Variants in BCKDHB observed in about 807,000 individuals in gnomAD.
BCKDHB encodes the protein branched chain keto acid dehydrogenase E1 subunit beta.
BCKDHB carries 41 observed loss-of-function variants against 48.5 expected under a neutral mutation model. The observed-to-expected ratio is 0.85, with a 90% CI of 0.66 to 1.10. The LOEUF (loss-of-function observed/expected upper bound fraction) is 1.10. Ranked by LOEUF, BCKDHB falls within the 50% of genes least tolerant of loss-of-function variation. The pLI is 0.00. For missense variants in BCKDHB, 496 were observed against 494.2 expected, an observed-to-expected ratio of 1.00 and a Z score of -0.03; for synonymous variants, 201 against 174.8, an observed-to-expected ratio of 1.15 and a Z score of -1.18.
chr6:80,445,236 G>C, the BCKDHB span, among the ~76,000 whole-genome samples: 3 of 152,230 alleles, frequency 2.0e-5, no homozygotes, highest in East Asian at 5.8e-4. Flanking sequence ...AGGAACTCTT[G>C]TGCTTTCAGT....
In BCKDHB at chr6:80,238,638, A is replaced by G. The variant is rs543853794; in HGVS notation, c.952-34497A>G. On this transcript the variant is annotated intron_variant, in intron 8 of 9. Transcript: ENST00000320393. ...TATTATACTTTAAGTTCTACGGTACATGTGCACAACATGCAAGTTTGTTAC... is the reference window on the plus strand; with the variant it reads ...TATTATACTTTAAGTTCTACGGTACGTGTGCACAACATGCAAGTTTGTTAC... Among the ~76,000 whole-genome samples the G allele has an allele frequency of 4.6e-5, 7 of 152,110 alleles. No individual in the cohort carries two copies. The East Asian group carries it at 1.2e-3, about 25-fold the overall frequency.
At chr6:80,110,795 C>G (rs1211578988) in intron 1 of BCKDHB, among the ~76,000 whole-genome samples, 1 of 152,154 alleles carries the variant, frequency 6.6e-6, no homozygotes, top group Admixed American at 6.5e-5. Context: ...CTTGGCCTTT[C>G]CTTGCTTCCA....
intron 8 of BCKDHB, among the ~76,000 whole-genome samples, chr6:80,217,442 T>C (rs560178240): frequency 6.6e-6 from 1 of 152,320 alleles, no homozygotes; most frequent in East Asian, 1.9e-4. Flanking sequence ...CATCTCAAGT[T>C]TATCTTTTAA....
At chr6:80,372,100 T>C in the BCKDHB span, among the ~76,000 whole-genome samples, 5 of 152,188 alleles carry the variant, frequency 3.3e-5, no homozygotes, top group African/African-American at 1.2e-4. Flanking sequence ...ATAATGATTC[T>C]ACCCACCCGT....
At chr6:80,211,194 A>G (rs1774916959) in intron 8 of BCKDHB, among the ~76,000 whole-genome samples, 1 of 152,224 alleles carries the variant, frequency 6.6e-6, no homozygotes, top group African/African-American at 2.4e-5. Flanking sequence ...ACATATCTAT[A>G]GAGAAGAAAA....
the BCKDHB span, among the ~76,000 whole-genome samples, chr6:80,383,465 A>C: frequency 6.6e-6 from 1 of 152,096 alleles, no homozygotes; most frequent in Non-Finnish European, 1.5e-5. Flanking sequence ...AAATTTTAAG[A>C]CTTTTTCAAA....
intron 9 of BCKDHB, among the ~76,000 whole-genome samples, chr6:80,294,764 C>A (rs1402867097): frequency 1.3e-5 from 2 of 152,098 alleles, no homozygotes; most frequent in African/African-American, 4.8e-5. Flanking sequence ...TGCTCTCAAA[C>A]CCTGTTTTCT....
At chr6:80,433,383 C>A in the BCKDHB span, among the ~76,000 whole-genome samples, 1 of 152,150 alleles carries the variant, frequency 6.6e-6, no homozygotes, top group Non-Finnish European at 1.5e-5. Flanking sequence ...ATCTGGCAGT[C>A]TGGCCTCAGA....
intron 3 of BCKDHB, among the ~76,000 whole-genome samples, chr6:80,138,499 T>G (rs573897530): frequency 1.3e-5 from 2 of 151,956 alleles, no homozygotes; most frequent in East Asian, 3.9e-4. Flanking sequence ...TGTGTCCATG[T>G]GTTCTCATTG....
intron 6 of BCKDHB, among the ~76,000 whole-genome samples, chr6:80,193,801 G>A (rs1208002691): frequency 6.6e-6 from 1 of 152,022 alleles, no homozygotes; most frequent in African/African-American, 2.4e-5. Flanking sequence ...CTGTTGATTG[G>A]TCATTGGTTT....
chr6:80,253,674 TA>T (rs1355594581), intron 8 of BCKDHB, among the ~76,000 whole-genome samples: 1 of 152,164 alleles, frequency 6.6e-6, no homozygotes, highest in Non-Finnish European at 1.5e-5. Context: ...AAATCATAAA[TA>T]AAAATATTTT....
intron 8 of BCKDHB, among the ~76,000 whole-genome samples, chr6:80,233,365 T>C (rs1319341807): frequency 1.3e-5 from 2 of 152,196 alleles, no homozygotes; most frequent in Non-Finnish European, 2.9e-5. Context: ...CTTTACAAAA[T>C]GAATGCTGTA....
chr6:80,444,968 A>G, the BCKDHB span, among the ~76,000 whole-genome samples: 1 of 152,192 alleles, frequency 6.6e-6, no homozygotes, highest in African/African-American at 2.4e-5. Flanking sequence ...AGAGAATGAG[A>G]TGGCCTCAAA....
At chr6:80,111,859 C>CG (rs1562054381) in intron 1 of BCKDHB, among the ~76,000 whole-genome samples, 1 of 152,040 alleles carries the variant, frequency 6.6e-6, no homozygotes, top group African/African-American at 2.4e-5. Flanking sequence ...TTAGTCTACC[C>CG]GGGGGGCTAC....
chr6:80,109,750 G>C (rs2490235), intron 1 of BCKDHB, among the ~76,000 whole-genome samples: 151,508 of 152,346 alleles, frequency 0.99, 75,338 homozygotes, highest in Middle Eastern at 1. Context: ...TACTATCTAC[G>C]ATTATTGCAT....
At chr6:80,307,420 A>G (rs1767935897) in intron 9 of BCKDHB, 1 of 984,868 alleles carries the variant, frequency 1.0e-6, no homozygotes, top group Non-Finnish European at 1.2e-6. Context: ...TATTAAATCC[A>G]CCTGCCCCCT....
intron 8 of BCKDHB, among the ~76,000 whole-genome samples, chr6:80,208,533 A>G (rs930738849): frequency 6.6e-6 from 1 of 151,828 alleles, no homozygotes; most frequent in Non-Finnish European, 1.5e-5. Flanking sequence ...ATCTTTGAAG[A>G]GATTAATGTA....
chr6:80,404,578 AC>A, the BCKDHB span, among the ~76,000 whole-genome samples: 1 of 151,532 alleles, frequency 6.6e-6, no homozygotes, highest in African/African-American at 2.4e-5. Context: ...TCTGCTTTTA[AC>A]TTTATTATTT....
intron 8 of BCKDHB, among the ~76,000 whole-genome samples, chr6:80,207,885 A>G (rs977304021): frequency 1.3e-5 from 2 of 151,860 alleles, no homozygotes; most frequent in Non-Finnish European, 3.0e-5. Flanking sequence ...CACAGAACTC[A>G]GAAGAGGTAT....
Sources: gnomAD v4.1 joint callset for allele counts (sites outside exome capture counted in the v4.1 genomes callset) on GRCh38, gnomAD v4.1.1 for gene constraint, MANE v1.5 for transcripts, NCBI Gene and HGNC (gene_info 2026-07-23, HGNC 2026-07-21) for gene names.